DCC: variants seen among roughly 807,000 people sequenced by gnomAD.
DCC encodes netrin receptor DCC.
In DCC, 58 loss-of-function variants were observed where a neutral mutation model predicts 172.5. That is an observed-to-expected ratio of 0.34 (90% CI 0.27 to 0.42). The LOEUF is 0.42. Among genes scored for constraint, DCC ranks in the 10% least tolerant of loss-of-function variants. The pLI, the probability that DCC is intolerant of heterozygous loss-of-function variation, is 1.00. For missense variants in DCC, 1,740 were observed against 1,791.0 expected (o/e 0.97, Z 0.51); for synonymous variants, 709 against 644.5 (o/e 1.10, Z -1.52).
At chr18:52,706,575 A>C (rs978491579) in intron 1 of DCC, among the ~76,000 whole-genome samples, 1 of 152,154 alleles carries the variant, frequency 6.6e-6, no homozygotes, top group Admixed American at 6.5e-5. Flanking sequence ...CTTCACCTCA[A>C]AGCAGAGCAT....
chr18:52,848,319 C>A (rs2038927281), intron 2 of DCC, among the ~76,000 whole-genome samples: 1 of 151,910 alleles, frequency 6.6e-6, no homozygotes, highest in South Asian at 2.1e-4. Context: ...ACTTCTGACC[C>A]CAGGTGATTT....
chr18:53,095,372 A>C (rs1295748251), intron 7 of DCC, among the ~76,000 whole-genome samples: 1 of 152,202 alleles, frequency 6.6e-6, no homozygotes, highest in African/African-American at 2.4e-5. Context: ...TAGATTTGAG[A>C]GGGAAAAATC....
intron 5 of DCC, among the ~76,000 whole-genome samples, chr18:52,928,405 C>T (rs1430863334): frequency 6.6e-6 from 1 of 152,084 alleles, no homozygotes; most frequent in South Asian, 2.1e-4. Context: ...ATCTATATAA[C>T]AAACCTGTAC....
intron 1 of DCC, among the ~76,000 whole-genome samples, chr18:52,716,480 C>T (rs1329236942): frequency 1.3e-5 from 2 of 152,182 alleles, no homozygotes; most frequent in Non-Finnish European, 2.9e-5. Flanking sequence ...TTGTTGAAAC[C>T]TTGGTATTCT....
At chr18:53,280,196 G>C (rs2056855204) in intron 12 of DCC, among the ~76,000 whole-genome samples, 1 of 152,132 alleles carries the variant, frequency 6.6e-6, no homozygotes, top group African/African-American at 2.4e-5. Context: ...ACAAGGTCTA[G>C]CACAAGTAAT....
At position 52,699,823 on chromosome 18, in the gene DCC, CT is replaced by C. The variant is rs570512983; in HGVS notation, c.92-52227del. Among the ~76,000 whole-genome samples, 1,162 of 152,210 alleles carry C rather than the reference CT, an allele frequency of 7.6e-3. 8 individuals carry two copies. The highest frequency in any genetic ancestry group is 0.014 in the Middle Eastern group (4 of 294). ...GAACTCTAGTCCCATATCCCCAATT[CT>C]TTTGTTTTCCTTGGCAACAATTTTA... On this transcript the variant is annotated intron_variant, in intron 1 of 28. Coordinates refer to ENST00000442544, the MANE Select transcript of DCC (RefSeq NM_005215.4).
At chr18:52,958,269 CAATCTATCAA>C (rs2040781003) in intron 5 of DCC, among the ~76,000 whole-genome samples, 1 of 151,502 alleles carries the variant, frequency 6.6e-6, no homozygotes, top group African/African-American at 2.4e-5. Context: ...TTTGTGGTAA[CAATCTATCAA>C]AAATAGATAA....
At chr18:53,357,582 A>G (rs1568079686) in intron 15 of DCC, among the ~76,000 whole-genome samples, 1 of 152,192 alleles carries the variant, frequency 6.6e-6, no homozygotes, top group African/African-American at 2.4e-5. Context: ...CATCATAAGT[A>G]TTGGTTAACA....
chr18:53,424,996 C>A (rs1186558040), intron 21 of DCC, among the ~76,000 whole-genome samples: 1 of 152,036 alleles, frequency 6.6e-6, no homozygotes, highest in African/African-American at 2.4e-5. Context: ...TGATATTGAT[C>A]ATTTCCTGCT....
chr18:52,946,525 G>A (rs2040548728), intron 5 of DCC, among the ~76,000 whole-genome samples: 1 of 152,034 alleles, frequency 6.6e-6, no homozygotes, highest in Non-Finnish European at 1.5e-5. Flanking sequence ...TCTGGGCTAT[G>A]GGATTTAGAT....
chr18:53,091,001 G>C (rs1379107816), intron 7 of DCC, among the ~76,000 whole-genome samples: 3 of 151,916 alleles, frequency 2.0e-5, no homozygotes, highest in Admixed American at 2.0e-4. Context: ...AGAGTGTCAG[G>C]AGTTGGTGCA....
intron 1 of DCC, among the ~76,000 whole-genome samples, chr18:52,376,965 C>T (rs1375633944): frequency 1.3e-5 from 2 of 152,158 alleles, no homozygotes; most frequent in Non-Finnish European, 2.9e-5. Context: ...TCAGACCTTC[C>T]AGCAGCGGCT....
chr18:53,082,252 A>G (rs2144138931), intron 7 of DCC, among the ~76,000 whole-genome samples: 1 of 152,252 alleles, frequency 6.6e-6, no homozygotes, highest in African/African-American at 2.4e-5. Flanking sequence ...CCACATTTGG[A>G]AACCTATAAA....
intron 5 of DCC, among the ~76,000 whole-genome samples, chr18:52,996,833 G>A (rs1168579785): frequency 9.0e-5 from 11 of 122,378 alleles, no homozygotes; most frequent in Admixed American, 3.0e-4. Context: ...TCTCCCTCTC[G>A]CCCTCTTTCT....
At chr18:53,220,470 T>G (rs2055915507) in intron 12 of DCC, among the ~76,000 whole-genome samples, 1 of 152,164 alleles carries the variant, frequency 6.6e-6, no homozygotes, top group Non-Finnish European at 1.5e-5. Flanking sequence ...AAATACACTT[T>G]GGCTGCTGAG....
chr18:52,724,053 T>G (rs988634411), intron 1 of DCC, among the ~76,000 whole-genome samples: 1 of 152,202 alleles, frequency 6.6e-6, no homozygotes, highest in Non-Finnish European at 1.5e-5. Flanking sequence ...AGTGAGTATT[T>G]CAGACCTCTA....
intron 1 of DCC, among the ~76,000 whole-genome samples, chr18:52,492,173 G>A (rs1049528717): frequency 6.6e-6 from 1 of 151,916 alleles, no homozygotes; most frequent in Non-Finnish European, 1.5e-5. Flanking sequence ...ATTAGATTTA[G>A]CAACACAACA....
chr18:52,359,967 A>G (rs974241154), intron 1 of DCC, among the ~76,000 whole-genome samples: 10 of 152,228 alleles, frequency 6.6e-5, no homozygotes, highest in African/African-American at 2.4e-5. Flanking sequence ...ATCCTGCTCC[A>G]TAACATGTCC....
intron 25 of DCC, among the ~76,000 whole-genome samples, chr18:53,470,741 AC>A (rs2045685578): frequency 6.6e-6 from 1 of 152,096 alleles, no homozygotes; most frequent in African/African-American, 2.4e-5. Flanking sequence ...GAGAGAAAAA[AC>A]GAAGGGGGAA....
Sources: gnomAD v4.1 joint callset for allele counts (sites outside exome capture counted in the v4.1 genomes callset) on GRCh38, gnomAD v4.1.1 for gene constraint, MANE v1.5 for transcripts, NCBI Gene and HGNC (gene_info 2026-07-23, HGNC 2026-07-21) for gene names.